NRXN2: variants seen among roughly 807,000 people sequenced by gnomAD.
The protein encoded by NRXN2 is neurexin-2-beta.
In NRXN2, 29 loss-of-function variants were observed where a neutral mutation model predicts 128.8. The observed-to-expected ratio is 0.23, with a 90% CI of 0.17 to 0.31. The LOEUF is 0.31. Among genes scored for constraint, NRXN2 ranks in the 10% least tolerant of loss-of-function variants. NRXN2 has a pLI of 1.00. For synonymous variants in NRXN2, 1,098 were observed against 1,075.2 expected, an observed-to-expected ratio of 1.02 and a Z score of -0.41; for missense variants, 1,881 against 2,452.6, an observed-to-expected ratio of 0.77 and a Z score of 4.92.
intron 21 of NRXN2, among the ~76,000 whole-genome samples, chr11:64,620,716 G>A (rs371468789): frequency 2.0e-5 from 3 of 148,492 alleles, no homozygotes; most frequent in African/African-American, 7.5e-5. Flanking sequence ...CTCAGGGAAG[G>A]TGCCAGGGAG....
chr11:64,638,407 CGCAGAAG>C (rs1234001563), intron 17 of NRXN2, among the ~76,000 whole-genome samples: 2 of 152,144 alleles, frequency 1.3e-5, no homozygotes, highest in Non-Finnish European at 2.9e-5. Flanking sequence ...GCCTCCGGAG[CGCAGAAG>C]GCTGGGGTTC....
At chr11:64,644,290 G>C (rs1434734655) in intron 17 of NRXN2, among the ~76,000 whole-genome samples, 1 of 151,802 alleles carries the variant, frequency 6.6e-6, no homozygotes, top group African/African-American at 2.4e-5. Context: ...TGCCACACAC[G>C]TACAACTCCC....
chr11:64,711,414 TG>T (rs1412033067), intron 2 of NRXN2, among the ~76,000 whole-genome samples: 1 of 152,076 alleles, frequency 6.6e-6, no homozygotes, highest in African/African-American at 2.4e-5. Context: ...CCCAGACCGA[TG>T]GGGGAGCCCC....
rs779106674 is a variant in NRXN2, at chr11:64,622,951, G to T, written c.3975C>A (p.Ala1325=). 6.2e-7 allele frequency: 1 copy of T among 1,613,220 alleles called. No individual in the cohort carries two copies. The highest frequency in any genetic ancestry group is 1.7e-5 in the Admixed American group (1 of 59,950). The change falls in exon 21 of 23, where the codon GCC becomes GCA. Residue 1325 remains alanine (A), a synonymous_variant. Coordinates refer to ENST00000265459, the MANE Select transcript of NRXN2 (RefSeq NM_015080.4). The surrounding 1 kb of genome is among the most constrained non-coding windows in gnomAD (Gnocchi z 4.3). The part of the protein sequence containing the change: ...YNGLKVLALA[A]ESDPNVRTEG... The stretch of plus-strand genomic sequence containing the variant: ...CAGTCCGCACATTGGGGTCGCTCTC[G>T]GCGGCCAGCGCCAGCACCTTGAGCC...
chr11:64,613,320 A>G (rs1467949348), intron 22 of NRXN2, among the ~76,000 whole-genome samples: 2 of 152,232 alleles, frequency 1.3e-5, no homozygotes, highest in African/African-American at 2.4e-5. Flanking sequence ...CCGTGTGCAC[A>G]TGTCCATATG....
rs143130600 is a variant in NRXN2 at position 64,667,429 on chromosome 11, C to T, written c.1619G>A (p.Gly540Asp). The T allele has an allele frequency of 1.1e-4, 176 of 1,614,160 alleles. No homozygotes were observed. Among genetic ancestry groups the T allele is most frequent in the Non-Finnish European group, 1.5e-4 (172 of 1,180,004 alleles). Residue 540 changes from glycine to aspartate, a missense_variant, in exon 9 of 23, where the codon GGT becomes GAT. By Grantham distance (94) the Gly-to-Asp change is moderately conservative. Transcript: ENST00000265459. This position sits in a 1 kb window ranked among gnomAD's most constrained non-coding sequence, Gnocchi z 5.6. Reference protein sequence around the residue: ...LLFSQGRRAGGGAGSHSSAQR... With the variant: ...LLFSQGRRAGDGAGSHSSAQR... Reference sequence around the variant, plus strand: ...AGCAGAGCTGTGGCTGCCAGCTCCACCCCCAGCCCGCCGGCCCTGGCTGAA... The same window carrying T: ...AGCAGAGCTGTGGCTGCCAGCTCCATCCCCAGCCCGCCGGCCCTGGCTGAA...
Position 64,685,298 on chromosome 11 carries a change from CT to C in NRXN2, c.1152+347del, listed in dbSNP as rs1450544105. ...CACCCATTCAGGCACTGGCTCACTC[CT>C]CCCATCTCCTGAATTGCCCTCCTGC... On this transcript the variant is annotated intron_variant, in intron 6 of 22. Transcript: ENST00000265459. Among the ~76,000 whole-genome samples the C allele has an allele frequency of 2.6e-5, 4 of 152,158 alleles. No homozygotes were observed. The East Asian group carries it at 7.7e-4, about 29-fold the overall frequency.
chr11:64,648,954 T>A lies in NRXN2; in HGVS notation c.3110-47A>T, dbSNP rs1229460500. The A allele has an allele frequency of 1.2e-6, 2 of 1,601,992 alleles. No individual in the cohort carries two copies. Among genetic ancestry groups the A allele is most frequent in the Non-Finnish European group, 1.7e-6 (2 of 1,169,530 alleles). ...CAAGGCATCCAGGTCCCCATTCCCA[T>A]CCCAAGACAATGGCATCTGGCTGTC... On this transcript the variant is annotated intron_variant, in intron 15 of 22. Transcript: ENST00000265459. The surrounding 1 kb of genome is among the most constrained non-coding windows in gnomAD (Gnocchi z 4.1).
intron 11 of NRXN2, among the ~76,000 whole-genome samples, chr11:64,659,969 T>C (rs2048790988): frequency 1.3e-5 from 2 of 152,174 alleles, no homozygotes. Flanking sequence ...CTCAAATGAA[T>C]GAACCAATGA....
intron 1 of NRXN2, among the ~76,000 whole-genome samples, chr11:64,715,794 A>G (rs2135682995): frequency 6.6e-6 from 1 of 152,338 alleles, no homozygotes; most frequent in African/African-American, 2.4e-5. Context: ...CCCACTCCTT[A>G]CAAACACTGT....
rs569580587 is a variant in NRXN2 at position 64,643,710 on chromosome 11, C to A, written c.3403+4509G>T. The stretch of plus-strand genomic sequence containing the variant: ...CGCTGGGCAGCTCAGCCGCGCGGCA[C>A]CTGGCTAGCCCGCTCGGCGCTCTCC... On this transcript the variant is annotated intron_variant, in intron 17 of 22. Transcript: ENST00000265459. Among the ~76,000 whole-genome samples, 746 of 151,832 alleles carry A rather than the reference C, an allele frequency of 4.9e-3. 6 individuals carry two copies. The highest frequency in any genetic ancestry group is 0.017 in the African/African-American group (691 of 41,436).
At chr11:64,701,913 AG>A (rs1481500451) in intron 2 of NRXN2, among the ~76,000 whole-genome samples, 2 of 120,040 alleles carry the variant, frequency 1.7e-5, no homozygotes, top group Non-Finnish European at 3.3e-5. Flanking sequence ...GGGGGGGGTC[AG>A]CCCCCCGCCC....
At chr11:64,709,835 C>A (rs1488213530) in intron 2 of NRXN2, among the ~76,000 whole-genome samples, 4 of 151,880 alleles carry the variant, frequency 2.6e-5, no homozygotes, top group Admixed American at 6.6e-5. Flanking sequence ...CACACACACT[C>A]CACATATACA....
At chr11:64,664,116 A>G (rs1279332028) in intron 9 of NRXN2, among the ~76,000 whole-genome samples, 1 of 152,230 alleles carries the variant, frequency 6.6e-6, no homozygotes, top group Non-Finnish European at 1.5e-5. Flanking sequence ...GAGATAAACA[A>G]TAGTTACCAG....
intron 17 of NRXN2, among the ~76,000 whole-genome samples, chr11:64,646,081 T>G (rs2096474971): frequency 6.6e-6 from 1 of 152,104 alleles, no homozygotes; most frequent in African/African-American, 2.4e-5. Context: ...CTCCCAAGAT[T>G]CCTGCCCTGC....
chr11:64,717,060 T>G (rs1269409590), intron 1 of NRXN2, among the ~76,000 whole-genome samples: 2 of 152,018 alleles, frequency 1.3e-5, no homozygotes, highest in African/African-American at 4.8e-5. Flanking sequence ...CTCCTGGAAC[T>G]TAGCAGCAAC....
rs367575439 is a variant in NRXN2, at chr11:64,670,553, TGA to T, written c.1198-1951_1198-1950del. On this transcript the variant is annotated intron_variant, in intron 7 of 22. Transcript: ENST00000265459. Reference sequence around the variant, plus strand: ...ACCTCCACTCTGCCTGATGCTGCACTGAGGGACCAGGAACTGGGCTGCTGATT... The same window carrying T: ...ACCTCCACTCTGCCTGATGCTGCACTGGGACCAGGAACTGGGCTGCTGATT... Among the ~76,000 whole-genome samples, 173 of 152,244 alleles carry T rather than the reference TGA, an allele frequency of 1.1e-3. 2 individuals carry two copies. In the South Asian group the frequency reaches 0.035, roughly 30 times the overall value.
intron 6 of NRXN2, among the ~76,000 whole-genome samples, chr11:64,677,297 G>A (rs1323425337): frequency 6.6e-6 from 1 of 152,014 alleles, no homozygotes; most frequent in African/African-American, 2.4e-5. Context: ...GAAAAATTAA[G>A]TCCTTTCTTC....
At chr11:64,618,829 T>TGGGCCC (rs1007852471) in intron 22 of NRXN2, among the ~76,000 whole-genome samples, 5 of 152,140 alleles carry the variant, frequency 3.3e-5, no homozygotes, top group African/African-American at 7.2e-5. Flanking sequence ...TGAAGGTCCC[T>TGGGCCC]GGGCCCAGGC....
Sources: allele counts gnomAD v4.1 joint callset (sites outside exome capture counted in the v4.1 genomes callset), GRCh38; gene constraint gnomAD v4.1.1; non-coding constraint Gnocchi (gnomAD v3.1); transcripts MANE v1.5; gene names NCBI Gene and HGNC (gene_info 2026-07-23, HGNC 2026-07-21).